AP3S1: variants seen among roughly 807,000 people sequenced by gnomAD.
AP3S1 encodes the protein AP-3 complex subunit sigma-1.
Under a neutral mutation model 21.3 loss-of-function variants are expected in AP3S1, and 12 were observed. The ratio of observed to expected loss-of-function variants is 0.56; its 90% CI spans 0.36 to 0.91. AP3S1 has a LOEUF of 0.91. Among genes scored for constraint, AP3S1 ranks in the 40% least tolerant of loss-of-function variants. The pLI, the probability that AP3S1 is intolerant of heterozygous loss-of-function variation, is 0.01. For synonymous variants in AP3S1, 48 were observed against 78.4 expected, an observed-to-expected ratio of 0.61 and a Z score of 2.05; for missense variants, 116 against 225.0, an observed-to-expected ratio of 0.52 and a Z score of 3.10.
chr5:115,875,027 T>C (rs1371799766), intron 3 of AP3S1, among the ~76,000 whole-genome samples: 1 of 152,206 alleles, frequency 6.6e-6, no homozygotes, highest in East Asian at 1.9e-4. Context: ...GTGAAACCCA[T>C]GACTAAATGA....
At chr5:115,890,739 A>G (rs1294891888) in intron 3 of AP3S1, among the ~76,000 whole-genome samples, 1 of 152,208 alleles carries the variant, frequency 6.6e-6, no homozygotes, top group East Asian at 1.9e-4. Context: ...GTTAAAGACT[A>G]TTTTAAAAGT....
At chr5:115,896,005 T>C (rs1473233538) in intron 4 of AP3S1, among the ~76,000 whole-genome samples, 1 of 152,176 alleles carries the variant, frequency 6.6e-6, no homozygotes, top group Non-Finnish European at 1.5e-5. Flanking sequence ...GTGCAGATTT[T>C]TTTCTGTATT....
chr5:115,893,962 C>T lies in AP3S1; in HGVS notation c.274-1125C>T, dbSNP rs142668218. Reference sequence around the variant, plus strand: ...AGAATAGAAATGGGAATAGAATAGTCAGTGACAACTATGCAAGTTGGAATT... The same window carrying T: ...AGAATAGAAATGGGAATAGAATAGTTAGTGACAACTATGCAAGTTGGAATT... On this transcript the variant is annotated intron_variant, in intron 3 of 5. Transcript: ENST00000316788. Among the ~76,000 whole-genome samples the T allele has an allele frequency of 4.0e-3, 606 of 152,256 alleles. 1 individual carries two copies. The highest frequency in any genetic ancestry group is 0.014 in the African/African-American group (576 of 41,552).
At chr5:115,882,556 G>C (rs891952323) in intron 3 of AP3S1, among the ~76,000 whole-genome samples, 1 of 152,212 alleles carries the variant, frequency 6.6e-6, no homozygotes, top group Non-Finnish European at 1.5e-5. Flanking sequence ...ATTGCTGCCT[G>C]TTCCTTCCTC....
intron 1 of AP3S1, 83 bp downstream of exon 1, chr5:115,842,189 C>T (rs1050619634): frequency 6.8e-7 from 1 of 1,481,088 alleles, no homozygotes; most frequent in African/African-American, 1.5e-5. Flanking sequence ...TCAGAGCGAC[C>T]CCCTCCGGCG....
chr5:115,872,739 A>AGG (rs145788131), intron 3 of AP3S1, among the ~76,000 whole-genome samples: 31,534 of 152,034 alleles, frequency 0.21, 3,601 homozygotes, highest in African/African-American at 0.27. Context: ...ATGACATTGA[A>AGG]GGGTTGATCA....
intron 1 of AP3S1, among the ~76,000 whole-genome samples, chr5:115,845,711 A>G (rs1027144765): frequency 3.3e-5 from 5 of 151,788 alleles, no homozygotes; most frequent in South Asian, 2.1e-4. Context: ...GCGCACGCCT[A>G]TAAGTGCAGC....
At chr5:115,872,045 A>C (rs762506219) in intron 3 of AP3S1, among the ~76,000 whole-genome samples, 5 of 152,124 alleles carry the variant, frequency 3.3e-5, no homozygotes, top group Non-Finnish European at 7.4e-5. Flanking sequence ...CAGGTGTGGT[A>C]GTTCACACCT....
At chr5:115,843,465 C>A (rs775057582) in intron 1 of AP3S1, among the ~76,000 whole-genome samples, 1 of 152,130 alleles carries the variant, frequency 6.6e-6, no homozygotes, top group African/African-American at 2.4e-5. Context: ...AGTATAACTT[C>A]AATACTAATG....
intron 3 of AP3S1, among the ~76,000 whole-genome samples, chr5:115,873,036 C>G (rs1231320311): frequency 6.6e-6 from 1 of 152,106 alleles, no homozygotes; most frequent in African/African-American, 2.4e-5. Context: ...CAAATTTAGT[C>G]TCTTATTGAA....
In AP3S1 at chr5:115,841,976, G is replaced by GGCA; in HGVS notation, c.-62_-61insGCA. ...AGGATCGCAGGCGAGATTACGAGGC[G>GGCA]AGGCTCGCGCGCCCGCCCCCGCCCT... On this transcript the variant is annotated 5_prime_UTR_variant, in exon 1 of 6. Transcript: ENST00000316788. 1.3e-6 allele frequency: 2 copies of GGCA among 1,500,908 alleles called. No individual in the cohort carries two copies. Among genetic ancestry groups the GGCA allele is most frequent in the Non-Finnish European group, 1.8e-6 (2 of 1,119,574 alleles). 93.0% of individuals were successfully genotyped at this position (1,500,908 alleles called of 1,614,324 possible).
At chr5:115,856,427 A>G (rs1394622625) in intron 1 of AP3S1, among the ~76,000 whole-genome samples, 3 of 139,810 alleles carry the variant, frequency 2.1e-5, no homozygotes, top group African/African-American at 8.1e-5. Flanking sequence ...TAATACATCC[A>G]GCATCTTTTT....
intron 5 of AP3S1, among the ~76,000 whole-genome samples, chr5:115,905,140 G>A (rs1436724350): frequency 6.6e-6 from 1 of 152,138 alleles, no homozygotes; most frequent in East Asian, 1.9e-4. Flanking sequence ...GCAACCTCCG[G>A]CATAAATGGG....
intron 5 of AP3S1, among the ~76,000 whole-genome samples, chr5:115,908,423 G>A (rs933490186): frequency 6.6e-6 from 1 of 152,110 alleles, no homozygotes; most frequent in Non-Finnish European, 1.5e-5. Flanking sequence ...GGTACTGATG[G>A]TGGAAGGTCA....
At chr5:115,845,546 A>C (rs1176336493) in intron 1 of AP3S1, among the ~76,000 whole-genome samples, 1 of 152,116 alleles carries the variant, frequency 6.6e-6, no homozygotes, top group African/African-American at 2.4e-5. Context: ...TACGAATTCA[A>C]GTGTGGGCTG....
At chr5:115,850,054 T>C (rs1269698884) in intron 1 of AP3S1, among the ~76,000 whole-genome samples, 3 of 152,194 alleles carry the variant, frequency 2.0e-5, no homozygotes, top group South Asian at 2.1e-4. Context: ...GTCTTAATTA[T>C]ATGTGAATAG....
chr5:115,845,672 A>G (rs748341508), intron 1 of AP3S1, among the ~76,000 whole-genome samples: 11 of 151,818 alleles, frequency 7.2e-5, no homozygotes, highest in Non-Finnish European at 1.5e-4. Context: ...CATCTCTACT[A>G]AAAATACAAA....
chr5:115,900,462 C>G (rs1001798774), intron 4 of AP3S1, among the ~76,000 whole-genome samples: 13 of 152,294 alleles, frequency 8.5e-5, no homozygotes, highest in Admixed American at 7.8e-4. Context: ...TGTGGTCCAG[C>G]TAGATGTTCT....
At chr5:115,869,058 A>G (rs994568757) in intron 2 of AP3S1, among the ~76,000 whole-genome samples, 1 of 151,698 alleles carries the variant, frequency 6.6e-6, no homozygotes, top group African/African-American at 2.4e-5. Flanking sequence ...TTGATTGTAA[A>G]TTATGTAAGT....
Sources: allele counts gnomAD v4.1 joint callset (sites outside exome capture counted in the v4.1 genomes callset), GRCh38; gene constraint gnomAD v4.1.1; transcripts MANE v1.5; gene names NCBI Gene and HGNC (gene_info 2026-07-23, HGNC 2026-07-21).